The following SLC4A8 variants were observed in gnomAD, a reference collection of about 807,000 sequenced individuals.
SLC4A8 encodes solute carrier family 4 member 8.
SLC4A8 carries 40 observed loss-of-function variants against 125.0 expected under a neutral mutation model. That is an observed-to-expected ratio of 0.32 (90% CI 0.25 to 0.42). The LOEUF (loss-of-function observed/expected upper bound fraction) is 0.42, where lower values mean the gene tolerates loss of function less well. Ranked by LOEUF, SLC4A8 falls within the 10% of genes least tolerant of loss-of-function variation. The pLI is 1.00. For synonymous variants in SLC4A8, 456 were observed against 476.0 expected (o/e 0.96, Z 0.55); for missense variants, 863 against 1,355.1 (o/e 0.64, Z 5.70).
intron 2 of SLC4A8, among the ~76,000 whole-genome samples, chr12:51,441,813 C>G (rs1949607567): frequency 6.6e-6 from 1 of 152,162 alleles, no homozygotes; most frequent in African/African-American, 2.4e-5. Flanking sequence ...GCTGTAGAGG[C>G]TGACTCAGCC....
chr12:51,450,047 T>C (rs1949913250), intron 2 of SLC4A8, among the ~76,000 whole-genome samples: 3 of 151,770 alleles, frequency 2.0e-5, no homozygotes, highest in Admixed American at 2.0e-4. Context: ...AAAGAAGAAA[T>C]AGGAGCAGAG....
At chr12:51,410,709 C>G (rs1163957387) in intron 1 of SLC4A8, among the ~76,000 whole-genome samples, 1 of 152,086 alleles carries the variant, frequency 6.6e-6, no homozygotes, top group Non-Finnish European at 1.5e-5. Context: ...ATCCACCTGC[C>G]TCGGCCTCCC....
intron 19 of SLC4A8, among the ~76,000 whole-genome samples, chr12:51,490,579 A>C (rs974728111): frequency 7.0e-6 from 1 of 143,612 alleles, no homozygotes; most frequent in African/African-American, 2.4e-5. Context: ...AAAAAAAAAA[A>C]AAAAAGATGA....
At position 51,418,449 on chromosome 12, in the gene SLC4A8, A is replaced by G. The variant is rs563355979; in HGVS notation, c.-111-22259A>G. 2.0e-5 allele frequency among the ~76,000 whole-genome samples: 3 copies of G among 152,318 alleles called. No homozygotes were observed. The South Asian group carries it at 6.2e-4, about 32-fold the overall frequency. On this transcript the variant is annotated intron_variant, in intron 1 of 24. Coordinates refer to the SLC4A8 transcript ENST00000358657. Reference sequence around the variant, plus strand: ...AGTCTAATTATAATGGCTCTAGTCCATTTTGTCTACCCCAAACAAAGCTGA... The same window carrying G: ...AGTCTAATTATAATGGCTCTAGTCCGTTTTGTCTACCCCAAACAAAGCTGA...
chr12:51,453,886 A>G (rs1950047606), intron 5 of SLC4A8, among the ~76,000 whole-genome samples, 187 bp downstream of exon 5: 1 of 152,218 alleles, frequency 6.6e-6, no homozygotes. Flanking sequence ...TACCTACTTC[A>G]CAGGTGTATT....
intron 17 of SLC4A8, among the ~76,000 whole-genome samples, chr12:51,487,205 G>A (rs1951184280): frequency 6.6e-6 from 1 of 152,144 alleles, no homozygotes; most frequent in African/African-American, 2.4e-5. Flanking sequence ...ATTTTCAGGA[G>A]GCAGAGAAGA....
At chr12:51,452,351 C>G (rs949329398) in intron 4 of SLC4A8, 92 bp downstream of exon 4, 7 of 1,428,432 alleles carry the variant, frequency 4.9e-6, no homozygotes, top group East Asian at 2.3e-5. Context: ...CTTATTTCTT[C>G]TTGGGAGAAG....
chr12:51,473,145 T>C (rs946011949), intron 14 of SLC4A8, among the ~76,000 whole-genome samples: 1 of 152,216 alleles, frequency 6.6e-6, no homozygotes, highest in Non-Finnish European at 1.5e-5. Flanking sequence ...ACATGTATCC[T>C]CCATTATAAT....
At chr12:51,426,237 C>A (rs1286104662) in intron 1 of SLC4A8, among the ~76,000 whole-genome samples, 1 of 152,180 alleles carries the variant, frequency 6.6e-6, no homozygotes, top group Non-Finnish European at 1.5e-5. Flanking sequence ...GAAGATACAT[C>A]CTTCTTTCCT....
chr12:51,485,767 C>G lies in SLC4A8; in HGVS notation c.2173-20C>G, dbSNP rs368064061. ...GTATTTAACCTGCCAAAACATGTGTCCACTTCTTTCTCATGCCAGGTACGC... is the reference window on the plus strand; with the variant it reads ...GTATTTAACCTGCCAAAACATGTGTGCACTTCTTTCTCATGCCAGGTACGC... On this transcript the variant is annotated intron_variant, in intron 16 of 24. Transcript: ENST00000453097. 13 of 1,396,420 alleles carry G rather than the reference C, an allele frequency of 9.3e-6. No individual in the cohort carries two copies. Among genetic ancestry groups the G allele is most frequent in the Non-Finnish European group, 1.3e-5 (13 of 982,136 alleles). 86.5% of individuals were successfully genotyped at this position (1,396,420 alleles called of 1,614,324 possible). A position where few individuals can be genotyped will look rare whatever the true frequency, so the allele number is the denominator to read the frequency against.
Position 51,452,200 on chromosome 12 carries a change from A to G in SLC4A8, c.354A>G (p.Thr118=). Residue 118 remains threonine, a synonymous_variant, in exon 4 of 25, where the codon ACA becomes ACG. Coordinates refer to ENST00000453097, the MANE Select transcript of SLC4A8 (RefSeq NM_001039960.3). ...DEEHVPHELF[T]ELDEICMKEG... is the part of the protein sequence containing the mutation. ...AGCATGTGCCTCATGAGCTGTTTACAGAGCTGGATGAGATCTGTATGAAAG... is the reference window on the plus strand; with the variant it reads ...AGCATGTGCCTCATGAGCTGTTTACGGAGCTGGATGAGATCTGTATGAAAG... 6.2e-7 allele frequency: 1 copy of G among 1,614,198 alleles called. No homozygotes were observed. Among genetic ancestry groups the G allele is most frequent in the Non-Finnish European group, 8.5e-7 (1 of 1,180,012 alleles).
At chr12:51,411,889 CT>C (rs1259368293) in intron 1 of SLC4A8, among the ~76,000 whole-genome samples, 2 of 151,792 alleles carry the variant, frequency 1.3e-5, no homozygotes, top group East Asian at 1.9e-4. Flanking sequence ...GGTTGAAACC[CT>C]TTCTCTACAA....
chr12:51,401,940 T>A (rs576133425), intron 1 of SLC4A8, among the ~76,000 whole-genome samples: 20 of 90,986 alleles, frequency 2.2e-4, no homozygotes, highest in Admixed American at 5.7e-4. Context: ...AATTTTTCTA[T>A]TTTTTTTTGT....
At chr12:51,402,105 G>A (rs1948405128) in intron 1 of SLC4A8, among the ~76,000 whole-genome samples, 1 of 152,178 alleles carries the variant, frequency 6.6e-6, no homozygotes, top group Admixed American at 6.5e-5. Flanking sequence ...CAGACCTGAA[G>A]TGATGCCTTG....
intron 9 of SLC4A8, chr12:51,462,068 T>C (rs1202554298): frequency 1.9e-5 from 9 of 475,242 alleles, no homozygotes. Flanking sequence ...TTTAGACTCA[T>C]GTCTTATCTC....
rs1479188955 is a variant in SLC4A8 at position 51,513,666 on chromosome 12, G to C, written c.*6228G>C. The C allele has an allele frequency of 2.6e-5, 4 of 152,358 alleles. No individual in the cohort carries two copies. The highest frequency in any genetic ancestry group is 5.9e-5 in the Non-Finnish European group (4 of 68,154). 9.4% of individuals were successfully genotyped at this position (152,358 alleles called of 1,614,324 possible). On this transcript the variant is annotated 3_prime_UTR_variant, in exon 25 of 25. Coordinates refer to ENST00000453097, the MANE Select transcript of SLC4A8 (RefSeq NM_001039960.3). Reference sequence around the variant, plus strand: ...GATGGGATTTCACCATGTTGGCCAGGATGGTCTTGATCTCTTGACCTCATG... The same window carrying C: ...GATGGGATTTCACCATGTTGGCCAGCATGGTCTTGATCTCTTGACCTCATG...
chr12:51,491,968 A>T (rs1168694925), intron 19 of SLC4A8, among the ~76,000 whole-genome samples: 3 of 152,198 alleles, frequency 2.0e-5, no homozygotes, highest in Non-Finnish European at 4.4e-5. Flanking sequence ...ATAGGTGGCT[A>T]AAGAGTGAAT....
At chr12:51,440,856 C>G in intron 2 of SLC4A8, 67 bp downstream of exon 2, 1 of 1,325,842 alleles carries the variant, frequency 7.5e-7, no homozygotes, top group Middle Eastern at 1.9e-4. Flanking sequence ...GAAGACCTGG[C>G]TCTGTGTCCT....
chr12:51,414,239 T>C (rs1043129286), intron 1 of SLC4A8, among the ~76,000 whole-genome samples: 2 of 152,054 alleles, frequency 1.3e-5, no homozygotes, highest in Non-Finnish European at 2.9e-5. Flanking sequence ...TATTGGCATA[T>C]AGAAATGCTG....
Sources: allele counts gnomAD v4.1 joint callset (sites outside exome capture counted in the v4.1 genomes callset), GRCh38; gene constraint gnomAD v4.1.1; transcripts MANE v1.5; gene names NCBI Gene and HGNC (gene_info 2026-07-23, HGNC 2026-07-21).